The following SCNN1A variants were observed in gnomAD, a reference collection of about 807,000 sequenced individuals.
The protein encoded by SCNN1A is sodium channel epithelial 1 subunit alpha.
A neutral mutation model predicts 68.6 loss-of-function variants in SCNN1A; 65 were observed. That is an observed-to-expected ratio of 0.95 (90% CI 0.78 to 1.16). The LOEUF is 1.16. Among genes scored for constraint, SCNN1A ranks in the 50% most tolerant of loss-of-function variants. The pLI is 0.00. For synonymous variants in SCNN1A, 357 were observed against 353.3 expected, an observed-to-expected ratio of 1.01 and a Z score of -0.12; for missense variants, 880 against 865.9, an observed-to-expected ratio of 1.02 and a Z score of -0.20.
intron 4 of SCNN1A, among the ~76,000 whole-genome samples, chr12:6,360,815 G>C (rs1411428479): frequency 6.6e-6 from 1 of 152,210 alleles, no homozygotes; most frequent in Non-Finnish European, 1.5e-5. Context: ...CCAGCCCTCA[G>C]AGAACCTGCA....
chr12:6,364,083 T>G, intron 2 of SCNN1A: 6 of 170,956 alleles, frequency 3.5e-5, no homozygotes, highest in Non-Finnish European at 6.2e-5. Flanking sequence ...GTGACCGCGG[T>G]ACCCAGGTCA....
chr12:6,376,219 C>G (rs1190078695), upstream of SCNN1A: 6 of 982,122 alleles, frequency 6.1e-6, no homozygotes, highest in Non-Finnish European at 7.3e-6. Context: ...TCTGCCTCCT[C>G]CTGGTCCCTC....
rs766773131 is a variant in SCNN1A, at chr12:6,348,076, G to A, written c.1807C>T (p.Gln603Ter). ...WSPGRGGRGA[Q>*]EVASTLASSP... ...GATGCCAGGGTGGAGGCTACCTCCTGAGCACCCCTGCCCCCTCGGCCTGGA... is the reference window on the plus strand; with the variant it reads ...GATGCCAGGGTGGAGGCTACCTCCTAAGCACCCCTGCCCCCTCGGCCTGGA... The change falls in exon 13 of 13, where the codon CAG becomes TAG. Residue 603 changes from glutamine to a stop codon, truncating the protein, a stop_gained. Transcript: ENST00000228916. LOFTEE classifies it low-confidence loss of function (END_TRUNC). 1.9e-6 allele frequency: 3 copies of A among 1,613,994 alleles called. No individual in the cohort carries two copies. The highest frequency in any genetic ancestry group is 8.5e-7 in the Non-Finnish European group (1 of 1,179,936).
intron 2 of SCNN1A, among the ~76,000 whole-genome samples, chr12:6,365,013 A>G (rs1374423990): frequency 1.3e-5 from 2 of 150,946 alleles, no homozygotes; most frequent in Non-Finnish European, 2.9e-5. Context: ...CACAATCCCT[A>G]TCAAAATTCC....
intron 7 of SCNN1A, 32 bp from the exon 8 acceptor site, chr12:6,354,587 G>T: frequency 6.5e-7 from 1 of 1,532,900 alleles, no homozygotes; most frequent in Non-Finnish European, 9.0e-7. Context: ...AGGAGAGGGG[G>T]TTCAGGCCTG....
intron 4 of SCNN1A, 150 bp from the exon 5 acceptor site, chr12:6,356,030 G>T: frequency 1.4e-6 from 1 of 722,328 alleles, no homozygotes; most frequent in Middle Eastern, 2.9e-4. Flanking sequence ...CCTACTATGT[G>T]CTGGCACAAT....
chr12:6,363,586 G>A lies in SCNN1A; in HGVS notation c.541C>T (p.Arg181Trp), dbSNP rs55797039. ...VAGSRSRRDLRGTLPHPLQRL... is the reference protein window; with the variant it reads ...VAGSRSRRDLWGTLPHPLQRL... ...TGCAAGGGGTGCGGCAGAGTCCCCC[G>A]CAGGTCGCGACGGCTGCGGGAGCCG... Residue 181 changes from arginine (R) to tryptophan (W), a missense_variant, in exon 3 of 13, where the codon CGG becomes TGG. Transcript: ENST00000228916. The A allele has an allele frequency of 0.027, 43,177 of 1,611,814 alleles. 731 individuals are homozygous for A. Among genetic ancestry groups the A allele is most frequent in the Non-Finnish European group, 0.032 (37,734 of 1,179,014 alleles).
intron 2 of SCNN1A, among the ~76,000 whole-genome samples, chr12:6,364,767 AAAAAAAAAATTAATTGCATTTCCGTCTC>A (rs1361183475): frequency 2.1e-5 from 3 of 141,940 alleles, no homozygotes; most frequent in African/African-American, 7.6e-5. Context: ...GTCTCAAAAA[AAAAAAAAAATTAATTGCATTTCCGTCTC>A]AAAAAGAAAT....
Position 6,355,804 on chromosome 12 carries a change from T to C in SCNN1A, c.952A>G (p.Met318Val). The part of the protein sequence containing the change: ...FNDKNNSNLW[M>V]SSMPGINNGL... ...TTGTTGATTCCAGGCATGGAAGACA[T>C]CCAGAGGTTGGAGTTGTTCTTGTCA... is the stretch of plus-strand genomic sequence containing the variant. The change falls in exon 5 of 13, where the codon ATG becomes GTG. Residue 318 changes from methionine (M) to valine (V), a missense_variant. Met to Val is a conservative substitution (Grantham distance 21, BLOSUM62 1). This residue lies in a region of SCNN1A where 758 missense variants were observed against 721.8 expected (regional missense o/e 1.05). Transcript: ENST00000228916. 1.2e-6 allele frequency: 2 copies of C among 1,613,336 alleles called. No individual in the cohort carries two copies. The highest frequency in any genetic ancestry group is 1.7e-6 in the Non-Finnish European group (2 of 1,179,250).
In SCNN1A at chr12:6,363,613, C is replaced by T. The variant is rs2136886248; in HGVS notation, c.514G>A (p.Ala172Thr). The T allele has an allele frequency of 6.2e-7, 1 of 1,612,972 alleles. No homozygotes were observed. Among genetic ancestry groups the T allele is most frequent in the Non-Finnish European group, 8.5e-7 (1 of 1,179,532 alleles). The stretch of plus-strand genomic sequence containing the variant: ...AGGTCGCGACGGCTGCGGGAGCCGG[C>T]CACGAGAGTGGTGAAGGAGCTGTAT... Reference protein sequence around the residue: ...YKYSSFTTLVAGSRSRRDLRG... With the variant: ...YKYSSFTTLVTGSRSRRDLRG... The change falls in exon 3 of 13, where the codon GCC becomes ACC. Residue 172 changes from alanine to threonine, a missense_variant. Around this residue, in one of 3 missense-constraint regions of SCNN1A, gnomAD observed 758 missense variants for 721.8 expected, o/e 1.05. Transcript: ENST00000228916.
intron 2 of SCNN1A, among the ~76,000 whole-genome samples, chr12:6,366,549 C>T (rs924675227): frequency 6.6e-6 from 1 of 152,062 alleles, no homozygotes; most frequent in African/African-American, 2.4e-5. Context: ...ACCTGTAATC[C>T]CGGCACTTTG....
Position 6,349,410 on chromosome 12 carries a change from G to A in SCNN1A, c.1361-5C>T. 1 of 1,577,060 alleles carries A rather than the reference G, an allele frequency of 6.3e-7. No homozygotes were observed. The highest frequency in any genetic ancestry group is 8.6e-7 in the Non-Finnish European group (1 of 1,160,338). ...GGAGCTTATAGTAGCAGTACCCTGT[G>A]GGTACAGAGAGATGCCTGTTCTCCT... On this transcript the variant is annotated splice_region_variant and splice_polypyrimidine_tract_variant and intron_variant, in intron 8 of 12. Transcript: ENST00000228916.
At chr12:6,358,007 A>G (rs1418265504) in intron 4 of SCNN1A, among the ~76,000 whole-genome samples, 2 of 152,220 alleles carry the variant, frequency 1.3e-5, no homozygotes, top group Admixed American at 1.3e-4. Context: ...TCCAAAAGAA[A>G]AAAAAAGAGC....
chr12:6,362,941 C>A, intron 3 of SCNN1A, among the ~76,000 whole-genome samples: 1 of 105,156 alleles, frequency 9.5e-6, no homozygotes, highest in Non-Finnish European at 1.9e-5. Flanking sequence ...CCTAGGCCTC[C>A]CAAAGTGCTG....
rs571034679 is a variant in SCNN1A, at chr12:6,360,880, A to G, written c.875+1171T>C. ...TAACAGGGGTCCTCACAGAATGAAT[A>G]CCCGAGGGGTAGTGGGGTGGGAAGA... On this transcript the variant is annotated intron_variant, in intron 4 of 12. Coordinates refer to ENST00000228916, the MANE Select transcript of SCNN1A (RefSeq NM_001038.6). 1.4e-3 allele frequency among the ~76,000 whole-genome samples: 218 copies of G among 152,268 alleles called. 1 individual carries two copies. In the Middle Eastern group the frequency reaches 0.02, roughly 14 times the overall value.
intron 4 of SCNN1A, among the ~76,000 whole-genome samples, chr12:6,358,974 A>T (rs1335072422): frequency 6.6e-6 from 1 of 152,198 alleles, no homozygotes; most frequent in Non-Finnish European, 1.5e-5. Context: ...CGTTATGCTA[A>T]ATGAAAGAGG....
chr12:6,376,285 G>T, upstream of SCNN1A: 1 of 673,366 alleles, frequency 1.5e-6, no homozygotes, highest in Non-Finnish European at 1.8e-6. Context: ...CCCGGGAGGG[G>T]CCCAGGTGAA....
At chr12:6,356,567 C>G (rs564902865) in intron 4 of SCNN1A, among the ~76,000 whole-genome samples, 2 of 152,286 alleles carry the variant, frequency 1.3e-5, no homozygotes, top group South Asian at 4.1e-4. Flanking sequence ...TTCCTGGGAG[C>G]CTCTTGCATC....
intron 4 of SCNN1A, among the ~76,000 whole-genome samples, chr12:6,359,832 G>T (rs1054921222): frequency 4.2e-5 from 6 of 143,244 alleles, no homozygotes; most frequent in Admixed American, 3.6e-4. Flanking sequence ...GTGCAGTGGT[G>T]CGATCTCGGC....
Sources: allele counts gnomAD v4.1 joint callset (sites outside exome capture counted in the v4.1 genomes callset), GRCh38; gene constraint gnomAD v4.1.1; regional missense constraint gnomAD v4.1.1; transcripts MANE v1.5; gene names NCBI Gene and HGNC (gene_info 2026-07-23, HGNC 2026-07-21).